The following SLC7A8 variants were observed in gnomAD, a reference collection of about 807,000 sequenced individuals.
The protein encoded by SLC7A8 is large neutral amino acids transporter small subunit 2.
A neutral mutation model predicts 51.2 loss-of-function variants in SLC7A8; 30 were observed. That is an observed-to-expected ratio of 0.59 (90% CI 0.44 to 0.80). The LOEUF (loss-of-function observed/expected upper bound fraction) is 0.80, where lower values mean the gene tolerates loss of function less well. Ranked by LOEUF, SLC7A8 falls within the 30% of genes least tolerant of loss-of-function variation. The pLI is 0.00. For synonymous variants in SLC7A8, 257 were observed against 275.8 expected (o/e 0.93, Z 0.67); for missense variants, 612 against 674.4 (o/e 0.91, Z 1.03).
intron 1 of SLC7A8, among the ~76,000 whole-genome samples, chr14:23,177,423 C>G (rs938120794): frequency 3.9e-5 from 6 of 152,232 alleles, no homozygotes; most frequent in African/African-American, 1.4e-4. Flanking sequence ...TGTCACTTGC[C>G]TTTTTCTGCC....
chr14:23,181,446 TG>T (rs1877170999), intron 1 of SLC7A8, among the ~76,000 whole-genome samples: 1 of 5,056 alleles, frequency 2.0e-4, no homozygotes, highest in Non-Finnish European at 3.5e-4. Context: ...GAGGAGTTGG[TG>T]GGGGTGGGGG....
At chr14:23,138,181 C>CCCT (rs1282859889) in intron 6 of SLC7A8, 157 bp from the exon 7 acceptor site, 3 of 837,638 alleles carry the variant, frequency 3.6e-6, no homozygotes, top group Admixed American at 2.8e-5. Context: ...AAGGGTGGAC[C>CCCT]CCTACACAGG....
At chr14:23,154,245 C>T (rs931423177) in intron 3 of SLC7A8, 133 of 1,000,076 alleles carry the variant, frequency 1.3e-4, no homozygotes, top group Non-Finnish European at 1.6e-4. Flanking sequence ...GAAGGGTTGG[C>T]TTCTCAGCCT....
intron 1 of SLC7A8, among the ~76,000 whole-genome samples, chr14:23,171,788 G>A (rs1298108740): frequency 2.6e-5 from 4 of 152,146 alleles, no homozygotes; most frequent in Non-Finnish European, 5.9e-5. Flanking sequence ...TGATCTTCAC[G>A]CCAGGCCTGG....
At position 23,143,095 on chromosome 14, in the gene SLC7A8, A is replaced by C; in HGVS notation, c.618T>G (p.Ile206Met). The change falls in exon 4 of 11, where the codon ATT (isoleucine) becomes ATG (methionine). Residue 206 changes from isoleucine (I) to methionine (M), a missense_variant. Ile to Met is a conservative substitution (Grantham distance 10). Coordinates refer to ENST00000316902, the MANE Select transcript of SLC7A8 (RefSeq NM_012244.4). ...LALALIIIMG[I>M]VQICKGEYFW... ...GATACTCACCTTTGCATATCTGTACAATCCCCATGATGATAATCAGGGCCA... is the reference window on the plus strand; with the variant it reads ...GATACTCACCTTTGCATATCTGTACCATCCCCATGATGATAATCAGGGCCA... 1 of 1,614,222 alleles carries C rather than the reference A, an allele frequency of 6.2e-7. No homozygotes were observed. The highest frequency in any genetic ancestry group is 8.5e-7 in the Non-Finnish European group (1 of 1,180,028).
At chr14:23,175,467 C>T (rs2048995018) in intron 1 of SLC7A8, among the ~76,000 whole-genome samples, 1 of 152,196 alleles carries the variant, frequency 6.6e-6, no homozygotes, top group South Asian at 2.1e-4. Context: ...CCTTGGCCTC[C>T]CAAAGTGCTG....
chr14:23,142,535 C>T (rs1594824941), intron 4 of SLC7A8, among the ~76,000 whole-genome samples: 1 of 152,150 alleles, frequency 6.6e-6, no homozygotes, highest in African/African-American at 2.4e-5. Context: ...AGGTCTTGCT[C>T]AGTCGCCCAG....
chr14:23,149,104 T>C (rs1351694006), intron 3 of SLC7A8, among the ~76,000 whole-genome samples: 4 of 152,190 alleles, frequency 2.6e-5, no homozygotes, highest in Non-Finnish European at 5.9e-5. Context: ...AGGTCACTAG[T>C]GTGTTCACCT....
chr14:23,130,753 A>G (rs1023812682), intron 8 of SLC7A8, among the ~76,000 whole-genome samples: 4 of 152,130 alleles, frequency 2.6e-5, no homozygotes, highest in Non-Finnish European at 5.9e-5. Flanking sequence ...GAGCTCTGTT[A>G]TTCTGATTGC....
chr14:23,129,860 A>G, intron 8 of SLC7A8, 61 bp from the exon 9 acceptor site: 1 of 1,580,718 alleles, frequency 6.3e-7, no homozygotes, highest in Non-Finnish European at 8.6e-7. Flanking sequence ...GGTATTACAG[A>G]TTAGGGGCTG....
chr14:23,140,410 T>C, intron 5 of SLC7A8, 61 bp downstream of exon 5: 1 of 1,515,648 alleles, frequency 6.6e-7, no homozygotes, highest in Non-Finnish European at 9.0e-7. Context: ...GCTCCCTCTT[T>C]CCAGCAGCAG....
chr14:23,137,732 G>A (rs956606859), intron 7 of SLC7A8, among the ~76,000 whole-genome samples, 189 bp downstream of exon 7: 3 of 152,098 alleles, frequency 2.0e-5, no homozygotes, highest in Non-Finnish European at 4.4e-5. Flanking sequence ...AGGTGACCAC[G>A]TGAGCAGCAC....
Position 23,161,994 on chromosome 14 carries a change from G to T in SLC7A8, c.508+3291C>A, listed in dbSNP as rs867171355. On this transcript the variant is annotated intron_variant, in intron 3 of 10. Coordinates refer to ENST00000316902, the MANE Select transcript of SLC7A8 (RefSeq NM_012244.4). ...CTTGGTTCTTGTTTTACTGAATACC[G>T]TATGAGAGGATTGGATGCTTATCTG... Among the ~76,000 whole-genome samples, 41 of 146,076 alleles carry T rather than the reference G, an allele frequency of 2.8e-4. 1 individual carries two copies. Among genetic ancestry groups the T allele is most frequent in the South Asian group, 6.6e-4 (3 of 4,550 alleles).
rs535490245 is a variant in SLC7A8 at position 23,165,785 on chromosome 14, G to A, written c.357-349C>T. Among the ~76,000 whole-genome samples the A allele has an allele frequency of 2.0e-4, 30 of 152,256 alleles. No individual in the cohort carries two copies. The highest frequency in any genetic ancestry group is 7.2e-4 in the African/African-American group (30 of 41,544). ...CAGGACATACTAAGGGTGTGGTTACGTAAGCAATAATCAGGAGAGGTATCA... is the reference window on the plus strand; with the variant it reads ...CAGGACATACTAAGGGTGTGGTTACATAAGCAATAATCAGGAGAGGTATCA... On this transcript the variant is annotated intron_variant, in intron 2 of 10. Coordinates refer to ENST00000316902, the MANE Select transcript of SLC7A8 (RefSeq NM_012244.4). This position sits in a 1 kb window ranked among gnomAD's most constrained non-coding sequence, Gnocchi z 4.2.
chr14:23,148,081 C>T (rs2048813592), intron 3 of SLC7A8, among the ~76,000 whole-genome samples: 1 of 147,072 alleles, frequency 6.8e-6, no homozygotes, highest in East Asian at 2.0e-4. Context: ...CCTTCACTTC[C>T]TCCCCTTGGC....
rs115559109 is a variant in SLC7A8 at position 23,126,665 on chromosome 14, C to T, written c.*512G>A. 615 of 159,206 alleles carry T rather than the reference C, an allele frequency of 3.9e-3. 4 individuals are homozygous for T. Among genetic ancestry groups the T allele is most frequent in the African/African-American group, 0.013 (551 of 41,600 alleles). The allele number at this position is 159,206 out of a possible 1,614,324, so 9.9% of individuals were successfully genotyped here. ...TGGGTGCAGGTATGATGGGGAGGGG[C>T]AGGAAAGAGGGCAGAGGGAAGCATC... On this transcript the variant is annotated 3_prime_UTR_variant, in exon 11 of 11. Transcript: ENST00000316902.
At chr14:23,134,279 A>T (rs1401003717) in intron 7 of SLC7A8, among the ~76,000 whole-genome samples, 5 of 151,974 alleles carry the variant, frequency 3.3e-5, no homozygotes, top group Non-Finnish European at 7.4e-5. Context: ...TCTACAAAAA[A>T]TACAAAAATT....
intron 3 of SLC7A8, among the ~76,000 whole-genome samples, chr14:23,157,545 C>T (rs947187805): frequency 4.6e-5 from 7 of 152,108 alleles, no homozygotes; most frequent in African/African-American, 1.7e-4. Context: ...TGATGGGGTC[C>T]TTGCTTCTAT....
chr14:23,157,088 G>A (rs950971581), intron 3 of SLC7A8, among the ~76,000 whole-genome samples: 2 of 152,204 alleles, frequency 1.3e-5, no homozygotes, highest in African/African-American at 4.8e-5. Flanking sequence ...AGTAGAAAGG[G>A]TGACAAGGAC....
Sources: gnomAD v4.1 joint callset for allele counts (sites outside exome capture counted in the v4.1 genomes callset) on GRCh38, gnomAD v4.1.1 for gene constraint, Gnocchi (gnomAD v3.1) non-coding constraint, MANE v1.5 for transcripts, NCBI Gene and HGNC (gene_info 2026-07-23, HGNC 2026-07-21) for gene names.